Variants in SGSM1 observed in about 807,000 individuals in gnomAD.
The protein encoded by SGSM1 is small G protein signaling modulator 1.
SGSM1 carries 73 observed loss-of-function variants against 133.8 expected under a neutral mutation model. That is an observed-to-expected ratio of 0.55 (90% CI 0.45 to 0.66). The LOEUF is 0.66. Among genes scored for constraint, SGSM1 ranks in the 30% least tolerant of loss-of-function variants. SGSM1 has a pLI of 0.00. For missense variants in SGSM1, 1,213 were observed against 1,448.1 expected (o/e 0.84, Z 2.64); for synonymous variants, 563 against 573.0 (o/e 0.98, Z 0.25).
At chr22:24,911,792 C>T (rs917119232) in intron 21 of SGSM1, among the ~76,000 whole-genome samples, 6 of 152,202 alleles carry the variant, frequency 3.9e-5, no homozygotes, top group African/African-American at 9.6e-5. Flanking sequence ...CGGTGGCTCA[C>T]GCCTTTAATC....
intron 21 of SGSM1, among the ~76,000 whole-genome samples, chr22:24,912,065 G>GAA (rs113285331): frequency 2.8e-5 from 4 of 140,524 alleles, no homozygotes; most frequent in Non-Finnish European, 3.1e-5. Flanking sequence ...AAAAAAAAAG[G>GAA]AAAAAAAAAA....
intron 2 of SGSM1, among the ~76,000 whole-genome samples, chr22:24,823,550 G>A (rs540779484): frequency 8.1e-4 from 123 of 152,180 alleles, no homozygotes; most frequent in Non-Finnish European, 1.5e-3. Context: ...GCAGTGAGCC[G>A]AAATTGCGCC....
intron 9 of SGSM1, among the ~76,000 whole-genome samples, chr22:24,861,152 A>G (rs1931127669): frequency 6.6e-6 from 1 of 150,944 alleles, no homozygotes. Flanking sequence ...CAGGAGTTCA[A>G]GACCAGCCTG....
chr22:24,863,283 G>C (rs938586766), intron 9 of SGSM1, among the ~76,000 whole-genome samples: 1 of 151,344 alleles, frequency 6.6e-6, no homozygotes, highest in Non-Finnish European at 1.5e-5. Context: ...CAGCCTCCCG[G>C]GTAGCTGGGA....
intron 22 of SGSM1, 43 bp from the exon 23 acceptor site, chr22:24,917,615 A>G (rs752713037): frequency 2.0e-5 from 31 of 1,514,884 alleles, no homozygotes; most frequent in East Asian, 1.8e-4. Context: ...CTCTGCTCCA[A>G]CCTTTTCCCA....
intron 16 of SGSM1, among the ~76,000 whole-genome samples, chr22:24,890,385 A>AC (rs1932794788): frequency 6.6e-6 from 1 of 152,128 alleles, no homozygotes; most frequent in African/African-American, 2.4e-5. Context: ...GGTCCCAGGT[A>AC]CCCATCACCC....
At chr22:24,878,142 C>T (rs1199625664) in intron 13 of SGSM1, among the ~76,000 whole-genome samples, 2 of 152,166 alleles carry the variant, frequency 1.3e-5, no homozygotes, top group Non-Finnish European at 2.9e-5. Flanking sequence ...TTAGAATCAC[C>T]TGGGCTAGGT....
At position 24,893,551 on chromosome 22, in the gene SGSM1, G is replaced by A. The variant is rs775424499; in HGVS notation, c.1891G>A (p.Gly631Arg). The change falls in exon 17 of 25, where the codon GGG becomes AGG. Residue 631 changes from glycine to arginine, a missense_variant. Gly to Arg is a moderately radical substitution (Grantham distance 125, BLOSUM62 -2). Transcript: ENST00000400358. The part of the protein sequence containing the change: ...HAAALAKCSS[G>R]ASLDSHLHRM... ...GGCCGCCCTGGCCAAATGCTCATCC[G>A]GGGCCAGCTTGGACAGCCACCTGCA... The A allele has an allele frequency of 1.4e-5, 22 of 1,605,490 alleles. No individual in the cohort carries two copies. Among genetic ancestry groups the A allele is most frequent in the Middle Eastern group, 1.7e-4 (1 of 6,040 alleles).
In SGSM1 at chr22:24,912,652, C is replaced by T. The variant is rs562640592; in HGVS notation, c.2828C>T (p.Ala943Val). 1.2e-6 allele frequency: 2 copies of T among 1,612,216 alleles called. No individual in the cohort carries two copies. The highest frequency in any genetic ancestry group is 1.1e-5 in the South Asian group (1 of 90,546). The stretch of plus-strand genomic sequence containing the variant: ...TGTGATGCTTTCTCAGAGGCCCTTG[C>T]CTTCAGCTGCTTCACGGAGCTCATG... ...LLVILDDEALAFSCFTELMKR... is the reference protein window; with the variant it reads ...LLVILDDEALVFSCFTELMKR... Residue 943 changes from alanine to valine, a missense_variant, in exon 22 of 25, where the codon GCC becomes GTC. Coordinates refer to ENST00000400358, the MANE Select transcript of SGSM1 (RefSeq NM_001098497.3).
At chr22:24,810,714 C>T (rs1927684346) in intron 2 of SGSM1, among the ~76,000 whole-genome samples, 1 of 151,958 alleles carries the variant, frequency 6.6e-6, no homozygotes, top group Admixed American at 6.6e-5. Context: ...TGAGGCAGGT[C>T]CTGGAGTGGA....
chr22:24,808,696 T>A (rs1382564029), intron 2 of SGSM1, among the ~76,000 whole-genome samples: 1 of 152,136 alleles, frequency 6.6e-6, no homozygotes, highest in Non-Finnish European at 1.5e-5. Context: ...TCTTCCTCAG[T>A]TTCCTGCGCA....
chr22:24,851,243 C>T (rs2147846152), intron 5 of SGSM1, among the ~76,000 whole-genome samples: 1 of 152,134 alleles, frequency 6.6e-6, no homozygotes, highest in Non-Finnish European at 1.5e-5. Flanking sequence ...TTCATTCATC[C>T]AGCAAATATT....
chr22:24,859,674 C>A (rs773429094), intron 8 of SGSM1, 42 bp from the exon 9 acceptor site: 4 of 1,612,176 alleles, frequency 2.5e-6, no homozygotes, highest in Non-Finnish European at 3.4e-6. Context: ...TCCACAGCAA[C>A]TCCAGCACCA....
Position 24,820,859 on chromosome 22 carries a change from C to G in SGSM1, c.63+14375C>G, listed in dbSNP as rs4822547. On this transcript the variant is annotated intron_variant, in intron 2 of 24. Coordinates refer to ENST00000400358, the MANE Select transcript of SGSM1 (RefSeq NM_001098497.3). ...CTAGAGGGCAGAGGCGGATAATGACCGTGCAAACAGATGAAGAAATGCGAT... is the reference window on the plus strand; with the variant it reads ...CTAGAGGGCAGAGGCGGATAATGACGGTGCAAACAGATGAAGAAATGCGAT... Among the ~76,000 whole-genome samples the G allele has an allele frequency of 1.7e-4, 26 of 152,246 alleles. No homozygotes were observed. In the South Asian group the frequency reaches 5.2e-3, roughly 30 times the overall value.
intron 17 of SGSM1, among the ~76,000 whole-genome samples, chr22:24,894,045 C>G (rs1932862358): frequency 6.6e-6 from 1 of 152,232 alleles, no homozygotes; most frequent in African/African-American, 2.4e-5. Context: ...CCCAGACAGA[C>G]TGGTCTGTCC....
chr22:24,920,393 A>G (rs1933962985), intron 24 of SGSM1, among the ~76,000 whole-genome samples: 1 of 152,210 alleles, frequency 6.6e-6, no homozygotes, highest in African/African-American at 2.4e-5. Flanking sequence ...AGTAACACGA[A>G]AAAGACACAG....
chr22:24,878,343 G>A (rs1264055645), intron 13 of SGSM1, among the ~76,000 whole-genome samples: 1 of 152,192 alleles, frequency 6.6e-6, no homozygotes, highest in African/African-American at 2.4e-5. Context: ...CACTTGGAGT[G>A]ATGGAGAGCT....
chr22:24,833,466 T>C (rs1309778888), intron 2 of SGSM1, among the ~76,000 whole-genome samples: 4 of 151,418 alleles, frequency 2.6e-5, no homozygotes, highest in African/African-American at 9.7e-5. Flanking sequence ...GAGACCATCC[T>C]GGCCAACATG....
chr22:24,850,107 G>A (rs1472755010), intron 4 of SGSM1, among the ~76,000 whole-genome samples, 173 bp from the exon 5 acceptor site: 1 of 152,150 alleles, frequency 6.6e-6, no homozygotes, highest in African/African-American at 2.4e-5. Context: ...CACTCACTGG[G>A]TATTACTATT....
Sources: allele counts gnomAD v4.1 joint callset (sites outside exome capture counted in the v4.1 genomes callset), GRCh38; gene constraint gnomAD v4.1.1; transcripts MANE v1.5; gene names NCBI Gene and HGNC (gene_info 2026-07-23, HGNC 2026-07-21).